The following CARMIL1 variants were observed in gnomAD, a reference collection of about 807,000 sequenced individuals.
The protein encoded by CARMIL1 is F-actin-uncapping protein LRRC16A.
Under a neutral mutation model 177.1 loss-of-function variants are expected in CARMIL1, and 90 were observed. The observed-to-expected ratio is 0.51, with a 90% CI of 0.43 to 0.61. The LOEUF (loss-of-function observed/expected upper bound fraction) is 0.61, where lower values mean the gene tolerates loss of function less well. Among genes scored for constraint, CARMIL1 ranks in the 20% least tolerant of loss-of-function variants. CARMIL1 has a pLI of 0.00. For missense variants in CARMIL1, 1,380 were observed against 1,667.0 expected, an observed-to-expected ratio of 0.83 and a Z score of 3.00; for synonymous variants, 577 against 606.2, an observed-to-expected ratio of 0.95 and a Z score of 0.71.
intron 24 of CARMIL1, among the ~76,000 whole-genome samples, chr6:25,531,161 T>C (rs910660359): frequency 2.0e-5 from 3 of 152,200 alleles, no homozygotes; most frequent in Non-Finnish European, 4.4e-5. Flanking sequence ...AAATTTAAAA[T>C]GGAAGCCACC....
At chr6:25,317,254 C>T (rs1405303650) in intron 2 of CARMIL1, among the ~76,000 whole-genome samples, 1 of 152,128 alleles carries the variant, frequency 6.6e-6, no homozygotes, top group Admixed American at 6.5e-5. Flanking sequence ...TCTCAACCTC[C>T]TGAGTAGCTG....
At chr6:25,428,743 T>C (rs1487052639) in intron 4 of CARMIL1, among the ~76,000 whole-genome samples, 1 of 152,216 alleles carries the variant, frequency 6.6e-6, no homozygotes, top group Non-Finnish European at 1.5e-5. Context: ...GTCTTACATA[T>C]GTCTAAATTC....
At chr6:25,367,603 G>A (rs1789961106) in intron 2 of CARMIL1, among the ~76,000 whole-genome samples, 1 of 152,094 alleles carries the variant, frequency 6.6e-6, no homozygotes, top group East Asian at 1.9e-4. Flanking sequence ...GGTAAGGAGG[G>A]TAAGACTTGG....
chr6:25,330,336 G>A (rs993855482), intron 2 of CARMIL1, among the ~76,000 whole-genome samples: 3 of 152,164 alleles, frequency 2.0e-5, no homozygotes, highest in African/African-American at 7.2e-5. Context: ...GATTTAAAGT[G>A]TGAAGTTCAA....
At chr6:25,431,705 A>C (rs1162662978) in intron 4 of CARMIL1, among the ~76,000 whole-genome samples, 1 of 151,888 alleles carries the variant, frequency 6.6e-6, no homozygotes, top group Non-Finnish European at 1.5e-5. Context: ...AGCAAGACTA[A>C]TTTTCCCATG....
At chr6:25,619,335 T>A in intron 36 of CARMIL1, 112 bp from the exon 37 acceptor site, 1 of 1,041,346 alleles carries the variant, frequency 9.6e-7, no homozygotes, top group Non-Finnish European at 1.4e-6. Flanking sequence ...AAGTTCACCC[T>A]GGCCCCCTCC....
intron 31 of CARMIL1, 75 bp from the exon 32 acceptor site, chr6:25,594,340 T>G: frequency 2.2e-6 from 2 of 900,926 alleles, no homozygotes; most frequent in Admixed American, 2.3e-5. Flanking sequence ...TTAATCACAG[T>G]GTCTTAAATC....
At chr6:25,486,988 T>C (rs1001678715) in intron 12 of CARMIL1, among the ~76,000 whole-genome samples, 1 of 152,216 alleles carries the variant, frequency 6.6e-6, no homozygotes, top group Admixed American at 6.5e-5. Context: ...ATTCCCAGCA[T>C]TTTGTTAGCA....
At chr6:25,608,904 T>C (rs1049278178) in intron 35 of CARMIL1, among the ~76,000 whole-genome samples, 1 of 152,090 alleles carries the variant, frequency 6.6e-6, no homozygotes, top group East Asian at 1.9e-4. Flanking sequence ...TAGTCAAGGG[T>C]GTCCAGTCTT....
chr6:25,540,311 A>G (rs1366597923), intron 26 of CARMIL1, among the ~76,000 whole-genome samples: 3 of 152,242 alleles, frequency 2.0e-5, no homozygotes, highest in Non-Finnish European at 4.4e-5. Context: ...ATGGGTTGCC[A>G]CTGATAAAGG....
chr6:25,601,246 A>G (rs1815369210), intron 33 of CARMIL1, among the ~76,000 whole-genome samples: 1 of 152,218 alleles, frequency 6.6e-6, no homozygotes, highest in African/African-American at 2.4e-5. Context: ...AGAAATGGCC[A>G]TGTTCTCACT....
intron 2 of CARMIL1, among the ~76,000 whole-genome samples, chr6:25,379,781 G>C (rs760195765): frequency 6.6e-6 from 1 of 152,130 alleles, no homozygotes; most frequent in Non-Finnish European, 1.5e-5. Flanking sequence ...GCCTGGTTAA[G>C]TAAACCAAAA....
chr6:25,344,823 A>G (rs1259607588), intron 2 of CARMIL1, among the ~76,000 whole-genome samples: 1 of 152,096 alleles, frequency 6.6e-6, no homozygotes, highest in South Asian at 2.1e-4. Context: ...GTACCTTCTC[A>G]AGGACATTGC....
intron 2 of CARMIL1, among the ~76,000 whole-genome samples, chr6:25,379,637 A>G (rs918311721): frequency 6.6e-6 from 1 of 152,184 alleles, no homozygotes; most frequent in East Asian, 1.9e-4. Context: ...GGTGGATGGA[A>G]TGAACCTTCT....
chr6:25,496,484 A>AC (rs1231636637), intron 16 of CARMIL1, among the ~76,000 whole-genome samples: 3 of 151,978 alleles, frequency 2.0e-5, no homozygotes, highest in Non-Finnish European at 4.4e-5. Flanking sequence ...AAAAAAAAAA[A>AC]AAAAAACCAG....
chr6:25,563,422 A>G (rs1263592668), intron 29 of CARMIL1: 25 of 985,246 alleles, frequency 2.5e-5, no homozygotes, highest in Non-Finnish European at 2.9e-5. Flanking sequence ...GTATATATGT[A>G]TGTGAGAGAA....
chr6:25,587,640 G>A (rs754106037), intron 31 of CARMIL1, among the ~76,000 whole-genome samples: 43 of 152,176 alleles, frequency 2.8e-4, no homozygotes, highest in Admixed American at 7.8e-4. Flanking sequence ...AATGGAGGAG[G>A]AAGAGAAAAA....
rs569227307 is a variant in CARMIL1, at chr6:25,432,528, G to A, written c.250-2955G>A. Among the ~76,000 whole-genome samples, 13 of 152,240 alleles carry A rather than the reference G, an allele frequency of 8.5e-5. No homozygotes were observed. The South Asian group carries it at 2.7e-3, about 32-fold the overall frequency. On this transcript the variant is annotated intron_variant, in intron 4 of 36. Transcript: ENST00000329474. ...ATTTTACCAGTCTCTATGCCACATT[G>A]TTTTCTGGTGCTCGAGTTTTATTGC...
At chr6:25,357,133 A>C (rs1788705678) in intron 2 of CARMIL1, among the ~76,000 whole-genome samples, 3 of 150,150 alleles carry the variant, frequency 2.0e-5, no homozygotes, top group Middle Eastern at 3.4e-3. Flanking sequence ...GATTTGAATG[A>C]ATTTTTTCTC....
Sources: allele counts gnomAD v4.1 joint callset (sites outside exome capture counted in the v4.1 genomes callset), GRCh38; gene constraint gnomAD v4.1.1; transcripts MANE v1.5; gene names NCBI Gene and HGNC (gene_info 2026-07-23, HGNC 2026-07-21).